The following DSCAM variants were observed in gnomAD, a reference collection of about 807,000 sequenced individuals.
DSCAM encodes DS cell adhesion molecule, also known as cell adhesion molecule DSCAM.
Under a neutral mutation model 217.7 loss-of-function variants are expected in DSCAM, and 47 were observed. The ratio of observed to expected loss-of-function variants is 0.22; its 90% CI spans 0.17 to 0.28. The LOEUF is 0.28. Ranked by LOEUF, DSCAM falls within the 10% of genes least tolerant of loss-of-function variation. DSCAM has a pLI of 1.00. For missense variants in DSCAM, 2,080 were observed against 2,618.3 expected (o/e 0.79, Z 4.49); for synonymous variants, 1,056 against 1,015.3 (o/e 1.04, Z -0.76).
chr21:40,504,923 C>G (rs985091748), intron 3 of DSCAM, among the ~76,000 whole-genome samples: 1 of 152,196 alleles, frequency 6.6e-6, no homozygotes, highest in Non-Finnish European at 1.5e-5. Flanking sequence ...TAAGAGTTGA[C>G]TGTCATACCA....
intron 3 of DSCAM, among the ~76,000 whole-genome samples, chr21:40,657,666 G>A (rs1478718555): frequency 6.6e-6 from 1 of 152,158 alleles, no homozygotes; most frequent in East Asian, 1.9e-4. Flanking sequence ...CCACAACGCG[G>A]CAATCTGATC....
intron 8 of DSCAM, among the ~76,000 whole-genome samples, chr21:40,319,031 T>C (rs2074231394): frequency 6.6e-6 from 1 of 152,200 alleles, no homozygotes; most frequent in Non-Finnish European, 1.5e-5. Flanking sequence ...AAGAACTGTG[T>C]CTTGGGCATA....
chr21:40,580,733 C>T (rs978332155), intron 3 of DSCAM, among the ~76,000 whole-genome samples: 5 of 152,200 alleles, frequency 3.3e-5, no homozygotes, highest in African/African-American at 1.2e-4. Flanking sequence ...AATCCAAGAC[C>T]AAATGCAGTA....
intron 3 of DSCAM, among the ~76,000 whole-genome samples, chr21:40,605,203 T>TA (rs1315421579): frequency 3.9e-5 from 6 of 152,172 alleles, no homozygotes; most frequent in Non-Finnish European, 7.3e-5. Context: ...TCATTGAACT[T>TA]ACCATTTACG....
chr21:40,316,245 C>T (rs2074195443), intron 8 of DSCAM, among the ~76,000 whole-genome samples: 3 of 152,166 alleles, frequency 2.0e-5, no homozygotes, highest in African/African-American at 7.2e-5. Flanking sequence ...TTGCTTGCCA[C>T]ATTATGTAAG....
At chr21:40,416,035 A>G (rs2075368592) in intron 3 of DSCAM, among the ~76,000 whole-genome samples, 1 of 152,222 alleles carries the variant, frequency 6.6e-6, no homozygotes, top group African/African-American at 2.4e-5. Flanking sequence ...AGACTTCATC[A>G]GTTTTTCTGT....
intron 15 of DSCAM, among the ~76,000 whole-genome samples, chr21:40,178,658 G>C: frequency 6.6e-6 from 1 of 152,148 alleles, no homozygotes; most frequent in Non-Finnish European, 1.5e-5. Flanking sequence ...ATGATTCTTT[G>C]AATCTCACCA....
At chr21:40,792,281 G>A (rs537558483) in intron 1 of DSCAM, among the ~76,000 whole-genome samples, 1 of 151,840 alleles carries the variant, frequency 6.6e-6, no homozygotes, top group South Asian at 2.1e-4. Flanking sequence ...TGGGACTATA[G>A]GCATGCGCCA....
intron 4 of DSCAM, among the ~76,000 whole-genome samples, chr21:40,367,434 C>T (rs771382607): frequency 4.6e-5 from 7 of 152,108 alleles, no homozygotes; most frequent in Admixed American, 6.6e-5. Flanking sequence ...CAACATGTTT[C>T]CACCATGACC....
At chr21:40,693,203 G>T (rs1380527456) in intron 2 of DSCAM, among the ~76,000 whole-genome samples, 2 of 152,340 alleles carry the variant, frequency 1.3e-5, no homozygotes, top group East Asian at 1.9e-4. Flanking sequence ...GGGAGGCCAA[G>T]ATGGGTAGAT....
rs1227575504 is a variant in DSCAM, at chr21:40,308,291, T to A, written c.2062+3790A>T. Among the ~76,000 whole-genome samples the A allele has an allele frequency of 2.0e-5, 3 of 152,166 alleles. No homozygotes were observed. The East Asian group carries it at 5.8e-4, about 29-fold the overall frequency. On this transcript the variant is annotated intron_variant, in intron 9 of 32. Transcript: ENST00000400454. ...GAGAAGTTTTATCTTGCCAAGAATC[T>A]TCTTAGGCTCTTTTAGGGCTGGTCT... is the stretch of plus-strand genomic sequence containing the variant.
At chr21:40,315,601 T>C (rs554625252) in intron 8 of DSCAM, among the ~76,000 whole-genome samples, 1 of 152,290 alleles carries the variant, frequency 6.6e-6, no homozygotes, top group South Asian at 2.1e-4. Flanking sequence ...TTTTCTATAA[T>C]TCCAAAATAT....
chr21:40,641,263 T>C (rs1399218623), intron 3 of DSCAM, among the ~76,000 whole-genome samples: 1 of 151,710 alleles, frequency 6.6e-6, no homozygotes, highest in East Asian at 1.9e-4. Context: ...ATGGGTGTGG[T>C]CTGGGTGGTG....
At chr21:40,655,593 C>G (rs1486820454) in intron 3 of DSCAM, among the ~76,000 whole-genome samples, 3 of 152,050 alleles carry the variant, frequency 2.0e-5, no homozygotes, top group Non-Finnish European at 4.4e-5. Context: ...CAGGTGTGCA[C>G]CACCATGTCT....
intron 24 of DSCAM, 121 bp from the exon 25 acceptor site, chr21:40,080,461 AG>A: frequency 1.1e-6 from 1 of 898,746 alleles, no homozygotes; most frequent in Non-Finnish European, 1.6e-6. Flanking sequence ...AATCTTCAGA[AG>A]GAACATTTTC....
At chr21:40,018,598 A>G (rs2088206905) in intron 32 of DSCAM, among the ~76,000 whole-genome samples, 1 of 152,214 alleles carries the variant, frequency 6.6e-6, no homozygotes, top group South Asian at 2.1e-4. Flanking sequence ...TCCACAAAGT[A>G]ATAGCATTGT....
At chr21:40,546,893 G>A (rs953162825) in intron 3 of DSCAM, among the ~76,000 whole-genome samples, 2 of 151,746 alleles carry the variant, frequency 1.3e-5, no homozygotes, top group Non-Finnish European at 2.9e-5. Context: ...TGAGAATGTG[G>A]TTTTGCTCCA....
chr21:40,827,067 TAG>T (rs1233334678), intron 1 of DSCAM, among the ~76,000 whole-genome samples: 1 of 152,040 alleles, frequency 6.6e-6, no homozygotes, highest in Non-Finnish European at 1.5e-5. Context: ...CTGCAACATT[TAG>T]AGTCTAATTA....
chr21:40,188,866 C>G (rs747378951), intron 12 of DSCAM, among the ~76,000 whole-genome samples, 176 bp downstream of exon 12: 7 of 151,006 alleles, frequency 4.6e-5, no homozygotes, highest in African/African-American at 7.3e-5. Flanking sequence ...TAGGCTGAAG[C>G]ACTATTTTTG....
Sources: gnomAD v4.1 joint callset for allele counts (sites outside exome capture counted in the v4.1 genomes callset) on GRCh38, gnomAD v4.1.1 for gene constraint, MANE v1.5 for transcripts, NCBI Gene and HGNC (gene_info 2026-07-23, HGNC 2026-07-21) for gene names.